Variants in PACS1 observed in about 807,000 individuals in gnomAD.
PACS1 encodes phosphofurin acidic cluster sorting protein 1, also known as PACS-1.
PACS1 carries 24 observed loss-of-function variants against 115.0 expected under a neutral mutation model. The observed-to-expected ratio is 0.21, with a 90% CI of 0.15 to 0.29. The LOEUF (loss-of-function observed/expected upper bound fraction) is 0.29. Among genes scored for constraint, PACS1 ranks in the 10% least tolerant of loss-of-function variants. The probability of loss-of-function intolerance (pLI) is 1.00; values close to 1 mark genes in which losing one functional copy is unlikely to be tolerated. For missense variants in PACS1, 838 were observed against 1,251.2 expected (o/e 0.67, Z 4.98); for synonymous variants, 453 against 504.5 (o/e 0.90, Z 1.37).
At chr11:66,141,945 A>G (rs1281351130) in intron 1 of PACS1, among the ~76,000 whole-genome samples, 1 of 151,876 alleles carries the variant, frequency 6.6e-6, no homozygotes. Context: ...AGCTGGGATT[A>G]TAGGCGCCCA....
chr11:66,229,547 T>C (rs548781316), intron 11 of PACS1, among the ~76,000 whole-genome samples: 4 of 151,532 alleles, frequency 2.6e-5, no homozygotes, highest in South Asian at 4.2e-4. Context: ...GGCGTGGTGG[T>C]GGGCGCCTGT....
chr11:66,223,507 C>T (rs528778748), intron 10 of PACS1, among the ~76,000 whole-genome samples: 11 of 152,120 alleles, frequency 7.2e-5, no homozygotes, highest in South Asian at 4.1e-4. Context: ...CTTGGAGATG[C>T]ATTTCCTCAC....
intron 1 of PACS1, among the ~76,000 whole-genome samples, chr11:66,118,769 CAAAAAAAA>C (rs397945291): frequency 1.7e-4 from 14 of 83,614 alleles, no homozygotes; most frequent in African/African-American, 6.4e-4. Context: ...CCCATGTCTA[CAAAAAAAA>C]AAAAAAAAAA....
chr11:66,132,431 TAC>T (rs1858725294), intron 1 of PACS1, among the ~76,000 whole-genome samples: 1 of 152,194 alleles, frequency 6.6e-6, no homozygotes, highest in South Asian at 2.1e-4. Flanking sequence ...AACGGATTAA[TAC>T]AGATACCAAA....
intron 11 of PACS1, among the ~76,000 whole-genome samples, chr11:66,230,149 A>G (rs866371415): frequency 3.3e-5 from 5 of 151,192 alleles, no homozygotes; most frequent in African/African-American, 9.7e-5. Flanking sequence ...AAAAAAAAAA[A>G]AAAAGAAAAA....
chr11:66,191,798 C>T (rs1163741795), intron 1 of PACS1, among the ~76,000 whole-genome samples: 3 of 152,110 alleles, frequency 2.0e-5, no homozygotes, highest in Non-Finnish European at 4.4e-5. Context: ...CCGAGGCAGG[C>T]GGATCACCTG....
chr11:66,123,861 C>T (rs1858507315), intron 1 of PACS1, among the ~76,000 whole-genome samples: 1 of 151,194 alleles, frequency 6.6e-6, no homozygotes, highest in African/African-American at 2.4e-5. Context: ...TTTTTTAAGA[C>T]AATGCTATTG....
chr11:66,172,847 G>A (rs1024922624), intron 1 of PACS1, among the ~76,000 whole-genome samples: 5 of 151,922 alleles, frequency 3.3e-5, no homozygotes, highest in African/African-American at 4.8e-5. Flanking sequence ...GTGGTGGCGC[G>A]TGCCTGTAGT....
At position 66,243,244 on chromosome 11, in the gene PACS1, T is replaced by C; in HGVS notation, c.2856T>C (p.Phe952=). The change falls in exon 24 of 24, where the codon TTT becomes TTC. Residue 952 remains phenylalanine, a synonymous_variant. Transcript: ENST00000320580. ...AAQWPTHVKH[F]PVGLFSGSKA... is the part of the protein sequence containing the mutation. The stretch of plus-strand genomic sequence containing the variant: ...AGTGGCCCACCCATGTCAAGCACTT[T>C]CCAGTGGGACTCTTCAGTGGCAGCA... 3.1e-6 allele frequency: 5 copies of C among 1,611,344 alleles called. No individual in the cohort carries two copies. The highest frequency in any genetic ancestry group is 3.4e-6 in the Non-Finnish European group (4 of 1,178,668).
intron 1 of PACS1, among the ~76,000 whole-genome samples, chr11:66,176,205 T>C (rs1247762895): frequency 3.3e-5 from 5 of 152,194 alleles, no homozygotes; most frequent in Admixed American, 2.0e-4. Flanking sequence ...TAGTACCCAA[T>C]AGGTAGTGTT....
At chr11:66,153,817 G>A (rs1859298085) in intron 1 of PACS1, among the ~76,000 whole-genome samples, 1 of 152,018 alleles carries the variant, frequency 6.6e-6, no homozygotes, top group South Asian at 2.1e-4. Flanking sequence ...AACATAATAT[G>A]TATATAGGTG....
chr11:66,134,348 C>T (rs1284765807), intron 1 of PACS1, among the ~76,000 whole-genome samples: 4 of 138,784 alleles, frequency 2.9e-5, no homozygotes, highest in African/African-American at 1.1e-4. Context: ...TCACTGCAAC[C>T]TCTGCCTCCC....
In PACS1 at chr11:66,235,937, T is replaced by C; in HGVS notation, c.2247T>C (p.Ile749=). 3.1e-6 allele frequency: 5 copies of C among 1,613,788 alleles called. No homozygotes were observed. The highest frequency in any genetic ancestry group is 4.2e-6 in the Non-Finnish European group (5 of 1,179,688). The change falls in exon 19 of 24, where the codon ATT becomes ATC. Residue 749 remains isoleucine (I), a synonymous_variant. Coordinates refer to ENST00000320580, the MANE Select transcript of PACS1 (RefSeq NM_018026.4). This position sits in a 1 kb window ranked among gnomAD's most constrained non-coding sequence, Gnocchi z 5.6. ...EDSYQKFIPF[I]GVVKVGLVED... is the part of the protein sequence containing the mutation. ...CCTATCAGAAGTTTATTCCCTTCAT[T>C]GGCGTGAGTACTGACTCCCTCTGCT...
intron 2 of PACS1, among the ~76,000 whole-genome samples, chr11:66,201,486 C>T (rs1854794169): frequency 6.6e-6 from 1 of 151,902 alleles, no homozygotes; most frequent in African/African-American, 2.4e-5. Flanking sequence ...TAAGTGCCTA[C>T]ATCAAAAAAG....
chr11:66,089,649 C>G (rs1312570488), intron 1 of PACS1, among the ~76,000 whole-genome samples: 2 of 152,170 alleles, frequency 1.3e-5, no homozygotes, highest in African/African-American at 2.4e-5. Flanking sequence ...GCTGACTACT[C>G]AGAGTTCTTG....
At chr11:66,224,999 C>A (rs7949569) in intron 10 of PACS1, among the ~76,000 whole-genome samples, 2,989 of 152,320 alleles carry the variant, frequency 0.02, 48 homozygotes, top group Non-Finnish European at 0.027. Flanking sequence ...TTTCCCAAGG[C>A]TTGAGCACAC....
chr11:66,215,598 T>A (rs985393491), intron 4 of PACS1, among the ~76,000 whole-genome samples: 1 of 151,108 alleles, frequency 6.6e-6, no homozygotes, highest in Non-Finnish European at 1.5e-5. Context: ...AGACCCTGCC[T>A]TTAATAATAA....
intron 1 of PACS1, among the ~76,000 whole-genome samples, chr11:66,191,821 C>T (rs1000730755): frequency 6.6e-6 from 1 of 152,058 alleles, no homozygotes; most frequent in African/African-American, 2.4e-5. Flanking sequence ...GTCAGGAGTT[C>T]GAGACCAGCC....
intron 4 of PACS1, among the ~76,000 whole-genome samples, chr11:66,214,258 CTCAG>C (rs1164656304): frequency 2.0e-5 from 3 of 152,114 alleles, no homozygotes; most frequent in Non-Finnish European, 1.5e-5. Flanking sequence ...TTCTGTCCTG[CTCAG>C]TCAGTGTTTG....
Sources: gnomAD v4.1 joint callset for allele counts (sites outside exome capture counted in the v4.1 genomes callset) on GRCh38, gnomAD v4.1.1 for gene constraint, Gnocchi (gnomAD v3.1) non-coding constraint, MANE v1.5 for transcripts, NCBI Gene and HGNC (gene_info 2026-07-23, HGNC 2026-07-21) for gene names.